The following STK35 variants were observed in gnomAD, a reference collection of about 807,000 sequenced individuals.
STK35 encodes the protein serine/threonine-protein kinase 35.
In STK35, 17 loss-of-function variants were observed where a neutral mutation model predicts 37.3. The ratio of observed to expected loss-of-function variants is 0.46; its 90% CI spans 0.31 to 0.68. STK35 has a LOEUF of 0.68. STK35 is among the 30% of genes least tolerant of loss of function. The pLI, the probability that STK35 is intolerant of heterozygous loss-of-function variation, is 0.05. For synonymous variants in STK35, 385 were observed against 319.1 expected (o/e 1.21, Z -2.20); for missense variants, 595 against 746.7 (o/e 0.80, Z 2.37).
Position 2,117,276 on chromosome 20 carries a change from G to A in STK35, c.1503G>A (p.Gly501=), listed in dbSNP as rs996977864. 3 of 1,614,054 alleles carry A rather than the reference G, an allele frequency of 1.9e-6. No individual in the cohort carries two copies. The African/African-American group carries it at 4.0e-5, about 22-fold the overall frequency. ...PQKRRTSMSE[G]IKQLLKDMLA... ...AACGCAGGACTTCCATGTCTGAGGG[G>A]ATCAAGCAGCTCTTGAAAGATATGT... The change falls in exon 3 of 4, where the codon GGG becomes GGA. Residue 501 remains glycine (G), a synonymous_variant. Transcript: ENST00000381482. This position sits in a 1 kb window ranked among gnomAD's most constrained non-coding sequence, Gnocchi z 4.4.
At chr20:2,142,612 C>T (rs1430316243) in intron 3 of STK35, among the ~76,000 whole-genome samples, 2 of 152,184 alleles carry the variant, frequency 1.3e-5, no homozygotes, top group African/African-American at 4.8e-5. Flanking sequence ...AAAAATTAGC[C>T]TGGCGTGGTG....
chr20:2,141,544 A>G (rs180939848), intron 3 of STK35, among the ~76,000 whole-genome samples: 29 of 152,358 alleles, frequency 1.9e-4, no homozygotes, highest in Admixed American at 1.5e-3. Context: ...TGGAGCTGCC[A>G]GCTTTTCTTG....
rs1011652662 is a variant in STK35 at position 2,145,565 on chromosome 20, T to C, written c.*1819T>C. Reference sequence around the variant, plus strand: ...CCCCTCAACACCAAACTTTCTTCCTTGTGAGCAGAAGGTTGGCTGCTGTTA... The same window carrying C: ...CCCCTCAACACCAAACTTTCTTCCTCGTGAGCAGAAGGTTGGCTGCTGTTA... On this transcript the variant is annotated 3_prime_UTR_variant, in exon 4 of 4. Transcript: ENST00000381482. 1.3e-5 allele frequency: 2 copies of C among 152,084 alleles called. No homozygotes were observed. The highest frequency in any genetic ancestry group is 2.9e-5 in the Non-Finnish European group (2 of 68,032). 9.4% of individuals were successfully genotyped at this position (152,084 alleles called of 1,614,324 possible). A position where few individuals can be genotyped will look rare whatever the true frequency, so the allele number is the denominator to read the frequency against.
intron 2 of STK35, among the ~76,000 whole-genome samples, chr20:2,111,706 A>G (rs1028820393): frequency 5.3e-5 from 8 of 152,198 alleles, no homozygotes; most frequent in African/African-American, 1.7e-4. Flanking sequence ...CAAAATAAGT[A>G]AATAAATAAA....
chr20:2,140,121 C>T (rs747469314), intron 3 of STK35, among the ~76,000 whole-genome samples: 1 of 152,232 alleles, frequency 6.6e-6, no homozygotes, highest in Non-Finnish European at 1.5e-5. Flanking sequence ...GGCCAAATCC[C>T]TCCTCACAGT....
Position 2,116,799 on chromosome 20 carries a change from A to G in STK35, c.1026A>G (p.Leu342=), listed in dbSNP as rs1985724624. The G allele has an allele frequency of 6.2e-7, 1 of 1,614,170 alleles. No individual in the cohort carries two copies. Among genetic ancestry groups the G allele is most frequent in the Non-Finnish European group, 8.5e-7 (1 of 1,180,034 alleles). Residue 342 remains leucine, a synonymous_variant, in exon 3 of 4, where the codon CTA becomes CTG. Coordinates refer to ENST00000381482, the MANE Select transcript of STK35 (RefSeq NM_080836.4). The part of the protein sequence containing the change: ...PDPATNKSFM[L]QLTSAIAFLH... ...CAGCCACCAACAAAAGTTTCATGCT[A>G]CAGCTGACGAGCGCCATTGCCTTCC...
In STK35 at chr20:2,116,615, G is replaced by A. The variant is rs373476216; in HGVS notation, c.893-51G>A. ...CACTGCATCCTTTAGTTAAAAAGAAGTGTGACTGTGTCCATCTCACTCAAG... is the reference window on the plus strand; with the variant it reads ...CACTGCATCCTTTAGTTAAAAAGAAATGTGACTGTGTCCATCTCACTCAAG... On this transcript the variant is annotated intron_variant, in intron 2 of 3. Transcript: ENST00000381482. The A allele has an allele frequency of 1.1e-5, 17 of 1,551,956 alleles. No homozygotes were observed. The African/African-American group carries it at 1.8e-4, about 16-fold the overall frequency.
At chr20:2,124,262 T>C (rs1011006964) in intron 3 of STK35, among the ~76,000 whole-genome samples, 1 of 152,202 alleles carries the variant, frequency 6.6e-6, no homozygotes, top group African/African-American at 2.4e-5. Context: ...TCTCCTACTC[T>C]GCAAAGGTCC....
At chr20:2,106,278 GCT>G (rs1453890779) in intron 2 of STK35, among the ~76,000 whole-genome samples, 4 of 152,150 alleles carry the variant, frequency 2.6e-5, no homozygotes, top group Non-Finnish European at 5.9e-5. Flanking sequence ...ACCTGGTTCA[GCT>G]CTCTCATTAA....
chr20:2,119,940 A>AT (rs1386710056), intron 3 of STK35, among the ~76,000 whole-genome samples: 2 of 152,142 alleles, frequency 1.3e-5, no homozygotes, highest in African/African-American at 2.4e-5. Flanking sequence ...TAATTCTTTC[A>AT]TTCTACAAAC....
rs747973892 is a variant in STK35 at position 2,102,800 on chromosome 20, C to T, written c.327C>T (p.Pro109=). The T allele has an allele frequency of 2.0e-6, 3 of 1,499,908 alleles. No homozygotes were observed. The highest frequency in any genetic ancestry group is 1.2e-5 in the South Asian group (1 of 80,828). 92.9% of individuals were successfully genotyped at this position (1,499,908 alleles called of 1,614,324 possible). A position where few individuals can be genotyped will look rare whatever the true frequency, so the allele number is the denominator to read the frequency against. The change falls in exon 2 of 4, where the codon CCC becomes CCT. Residue 109 remains proline, a synonymous_variant. Transcript: ENST00000381482. ...VTIQGPAPPR[P]RAGRRDEAGG... ...TCCAAGGTCCGGCTCCTCCGCGTCC[C>T]AGGGCCGGACGGAGGGATGAGGCAG... is the stretch of plus-strand genomic sequence containing the variant.
chr20:2,118,660 A>C (rs962852195), intron 3 of STK35, among the ~76,000 whole-genome samples: 33 of 152,264 alleles, frequency 2.2e-4, no homozygotes, highest in Non-Finnish European at 4.4e-5. Context: ...TTGGTCAAAA[A>C]GGAATGGCCT....
chr20:2,111,681 A>G (rs1985622146), intron 2 of STK35, among the ~76,000 whole-genome samples: 1 of 152,242 alleles, frequency 6.6e-6, no homozygotes, highest in South Asian at 2.1e-4. Context: ...CCTGGGCAAC[A>G]GAGCTAGACC....
chr20:2,104,204 C>G (rs2122536897), intron 2 of STK35, among the ~76,000 whole-genome samples: 1 of 152,262 alleles, frequency 6.6e-6, no homozygotes, highest in East Asian at 1.9e-4. Context: ...CTACTCAGTA[C>G]TCACAAGCCT....
At chr20:2,134,025 A>T (rs183237989) in intron 3 of STK35, among the ~76,000 whole-genome samples, 77 of 152,150 alleles carry the variant, frequency 5.1e-4, no homozygotes, top group Non-Finnish European at 8.8e-4. Context: ...TCTTCCTTGT[A>T]TAAGTGGGGC....
intron 2 of STK35, among the ~76,000 whole-genome samples, chr20:2,104,778 A>T (rs1985482114): frequency 6.6e-6 from 1 of 152,158 alleles, no homozygotes; most frequent in Non-Finnish European, 1.5e-5. Flanking sequence ...CTTTAATTAG[A>T]TGTCTAACTT....
chr20:2,143,958 C>CTTTTTTTTT lies in STK35; in HGVS notation c.*216_*224dup, dbSNP rs10713601. ...TGCTTTATTTTTTTCCTTTTCTTTT[C>CTTTTTTTTT]TTTTTTTTTTTTCCTCTTTCCTTTT... On this transcript the variant is annotated 3_prime_UTR_variant, in exon 4 of 4. Transcript: ENST00000381482. 3.2e-5 allele frequency: 6 copies of CTTTTTTTTT among 190,198 alleles called. No individual in the cohort carries two copies. The highest frequency in any genetic ancestry group is 1.2e-3 in the East Asian group (2 of 1,608). The allele number at this position is 190,198 out of a possible 1,614,324, so 11.8% of individuals were successfully genotyped here. A position where few individuals can be genotyped will look rare whatever the true frequency, so the allele number is the denominator to read the frequency against.
intron 3 of STK35, among the ~76,000 whole-genome samples, chr20:2,140,800 G>A (rs1986160547): frequency 6.6e-6 from 1 of 152,214 alleles, no homozygotes; most frequent in South Asian, 2.1e-4. Flanking sequence ...ACAAGCTGGT[G>A]TCTCAGGAGT....
intron 3 of STK35, among the ~76,000 whole-genome samples, chr20:2,134,450 G>A (rs953981694): frequency 1.4e-4 from 21 of 152,124 alleles, no homozygotes; most frequent in African/African-American, 5.1e-4. Flanking sequence ...CACCTGTGCT[G>A]GGGGTGCCCT....
Sources: gnomAD v4.1 joint callset for allele counts (sites outside exome capture counted in the v4.1 genomes callset) on GRCh38, gnomAD v4.1.1 for gene constraint, Gnocchi (gnomAD v3.1) non-coding constraint, MANE v1.5 for transcripts, NCBI Gene and HGNC (gene_info 2026-07-23, HGNC 2026-07-21) for gene names.